Variants in KIAA1958 observed in about 807,000 individuals in gnomAD.
The protein encoded by KIAA1958 is KIAA1958.
KIAA1958 carries 14 observed loss-of-function variants against 47.2 expected under a neutral mutation model. That is an observed-to-expected ratio of 0.30 (90% CI 0.20 to 0.46). KIAA1958 has a LOEUF of 0.46. Among genes scored for constraint, KIAA1958 ranks in the 20% least tolerant of loss-of-function variants. The pLI is 1.00. For missense variants in KIAA1958, 803 were observed against 909.2 expected (o/e 0.88, Z 1.50); for synonymous variants, 354 against 353.3 (o/e 1.00, Z -0.02).
chr9:112,546,065 T>C (rs1277499779), intron 1 of KIAA1958, among the ~76,000 whole-genome samples: 1 of 151,814 alleles, frequency 6.6e-6, no homozygotes, highest in African/African-American at 2.4e-5. Context: ...GACCTAGAAA[T>C]GAGATAGGAG....
At chr9:112,513,012 T>A (rs1308502477) in intron 1 of KIAA1958, among the ~76,000 whole-genome samples, 2 of 137,418 alleles carry the variant, frequency 1.5e-5, no homozygotes, top group African/African-American at 2.8e-5. Context: ...TAATTTTTTT[T>A]TTTTTTTTTT....
At chr9:112,610,344 A>G (rs981399557) in intron 2 of KIAA1958, among the ~76,000 whole-genome samples, 7 of 152,052 alleles carry the variant, frequency 4.6e-5, no homozygotes, top group African/African-American at 1.7e-4. Flanking sequence ...AAGGAAAGAT[A>G]GTTAACAAAA....
chr9:112,640,233 AT>A (rs1836870519), intron 2 of KIAA1958, among the ~76,000 whole-genome samples: 1 of 152,194 alleles, frequency 6.6e-6, no homozygotes, highest in African/African-American at 2.4e-5. Flanking sequence ...GTCTAGACTG[AT>A]CTATTTCCAG....
intron 2 of KIAA1958, among the ~76,000 whole-genome samples, chr9:112,577,308 C>A (rs1588025694): frequency 6.6e-6 from 1 of 152,066 alleles, no homozygotes; most frequent in East Asian, 1.9e-4. Flanking sequence ...TTCTTTCTTT[C>A]TTTTAAAAAA....
rs1315402129 is a variant in KIAA1958 at position 112,664,281 on chromosome 9, T to G, written c.*4212T>G. 1 of 152,372 alleles carries G rather than the reference T, an allele frequency of 6.6e-6. No homozygotes were observed. The highest frequency in any genetic ancestry group is 2.4e-5 in the African/African-American group (1 of 41,590). 9.4% of individuals were successfully genotyped at this position (152,372 alleles called of 1,614,324 possible). On this transcript the variant is annotated 3_prime_UTR_variant, in exon 4 of 4. Transcript: ENST00000337530. The stretch of plus-strand genomic sequence containing the variant: ...TTTGCTATCTCGAAGCAGCAGAATA[T>G]TGATCATTTTTCTCAGTTTAGGCTA...
Position 112,665,623 on chromosome 9 carries a change from C to T in KIAA1958, c.*5554C>T, listed in dbSNP as rs1162875957. 1.3e-5 allele frequency: 2 copies of T among 152,176 alleles called. No individual in the cohort carries two copies. Among genetic ancestry groups the T allele is most frequent in the Non-Finnish European group, 2.9e-5 (2 of 68,020 alleles). The allele number at this position is 152,176 out of a possible 1,614,324, so 9.4% of individuals were successfully genotyped here. A position where few individuals can be genotyped will look rare whatever the true frequency, so the allele number is the denominator to read the frequency against. ...TTGGCAAATATTTCATCTCTCAAGCCATACTGTGTCACCCCTCCATGTATT... is the reference window on the plus strand; with the variant it reads ...TTGGCAAATATTTCATCTCTCAAGCTATACTGTGTCACCCCTCCATGTATT... On this transcript the variant is annotated 3_prime_UTR_variant, in exon 4 of 4. Coordinates refer to ENST00000337530, the MANE Select transcript of KIAA1958 (RefSeq NM_133465.4).
At chr9:112,575,694 G>A (rs1295911418) in intron 2 of KIAA1958, among the ~76,000 whole-genome samples, 1 of 152,128 alleles carries the variant, frequency 6.6e-6, no homozygotes, top group African/African-American at 2.4e-5. Context: ...GAGCCAACTT[G>A]ACGTTGCTAT....
At chr9:112,551,480 G>A (rs58241214) in intron 1 of KIAA1958, among the ~76,000 whole-genome samples, 16,719 of 152,102 alleles carry the variant, frequency 0.11, 1,381 homozygotes, top group East Asian at 0.19. Context: ...TATAGCACAG[G>A]CTTTAATTTG....
At chr9:112,498,507 C>A (rs775121217) in intron 1 of KIAA1958, among the ~76,000 whole-genome samples, 1 of 152,130 alleles carries the variant, frequency 6.6e-6, no homozygotes, top group African/African-American at 2.4e-5. Flanking sequence ...ATAAAATTCA[C>A]GGCTTTACCA....
At chr9:112,648,618 G>A (rs1837013892) in intron 3 of KIAA1958, among the ~76,000 whole-genome samples, 1 of 152,152 alleles carries the variant, frequency 6.6e-6, no homozygotes, top group Non-Finnish European at 1.5e-5. Context: ...CTTGCATCAG[G>A]TATGGGGAAT....
chr9:112,530,987 T>C (rs1213107906), intron 1 of KIAA1958, among the ~76,000 whole-genome samples: 2 of 152,240 alleles, frequency 1.3e-5, no homozygotes, highest in African/African-American at 4.8e-5. Flanking sequence ...CAGCTTATTC[T>C]GAGTTACAGC....
rs1436742470 is a variant in KIAA1958 at position 112,618,761 on chromosome 9, C to A, written c.1172-26889C>A. 1 of 1,550,642 alleles carries A rather than the reference C, an allele frequency of 6.4e-7. No individual in the cohort carries two copies. The highest frequency in any genetic ancestry group is 2.0e-5 in the Admixed American group (1 of 51,004). ...CAGGAAAACCAACTTCAGTGTGTAT[C>A]AGAGCTGCAGCACCTTGTCTGAGGC... On this transcript the variant is annotated intron_variant, in intron 2 of 3. Transcript: ENST00000337530. This position sits in a 1 kb window ranked among gnomAD's most constrained non-coding sequence, Gnocchi z 7.1.
At position 112,575,199 on chromosome 9, in the gene KIAA1958, G is replaced by A. The variant is rs766213719; in HGVS notation, c.1119G>A (p.Gln373=). The change falls in exon 2 of 4, where the codon CAG becomes CAA. Residue 373 remains glutamine, a synonymous_variant. Coordinates refer to ENST00000337530, the MANE Select transcript of KIAA1958 (RefSeq NM_133465.4). ...TEPEVSSSQQ[Q]PPVAPAITTE... ...CAGAAGTGAGCTCCAGTCAGCAGCA[G>A]CCCCCAGTCGCTCCAGCCATAACCA... 1.9e-6 allele frequency: 3 copies of A among 1,577,916 alleles called. No individual in the cohort carries two copies. The highest frequency in any genetic ancestry group is 1.7e-6 in the Non-Finnish European group (2 of 1,169,428).
At chr9:112,614,638 C>T (rs1171331996) in intron 2 of KIAA1958, among the ~76,000 whole-genome samples, 2 of 152,202 alleles carry the variant, frequency 1.3e-5, no homozygotes, top group African/African-American at 4.8e-5. Flanking sequence ...TCAACCTCTT[C>T]ATGTAGCTCA....
chr9:112,591,717 T>A (rs1490245936), intron 2 of KIAA1958, among the ~76,000 whole-genome samples: 1 of 151,956 alleles, frequency 6.6e-6, no homozygotes, highest in African/African-American at 2.4e-5. Context: ...ACACAGAACT[T>A]GTCTCCACAA....
At chr9:112,507,599 T>C (rs2132774063) in intron 1 of KIAA1958, among the ~76,000 whole-genome samples, 1 of 152,318 alleles carries the variant, frequency 6.6e-6, no homozygotes, top group Middle Eastern at 3.4e-3. Flanking sequence ...TCCTCTTGAC[T>C]TGGACTCCCA....
chr9:112,516,715 T>C (rs2132789279), intron 1 of KIAA1958, among the ~76,000 whole-genome samples: 1 of 152,352 alleles, frequency 6.6e-6, no homozygotes, highest in Middle Eastern at 3.4e-3. Flanking sequence ...AAAGTCACAG[T>C]AATCAAGACA....
intron 1 of KIAA1958, among the ~76,000 whole-genome samples, chr9:112,523,072 A>G (rs1176207661): frequency 6.6e-6 from 1 of 152,202 alleles, no homozygotes; most frequent in African/African-American, 2.4e-5. Flanking sequence ...GCTAGATACC[A>G]TCATAGCACT....
intron 1 of KIAA1958, among the ~76,000 whole-genome samples, chr9:112,554,916 T>C (rs1283972747): frequency 2.0e-5 from 3 of 151,810 alleles, no homozygotes; most frequent in African/African-American, 7.3e-5. Context: ...CCAAATGAAA[T>C]GACAACTAAG....
Sources: gnomAD v4.1 joint callset for allele counts (sites outside exome capture counted in the v4.1 genomes callset) on GRCh38, gnomAD v4.1.1 for gene constraint, Gnocchi (gnomAD v3.1) non-coding constraint, MANE v1.5 for transcripts, NCBI Gene and HGNC (gene_info 2026-07-23, HGNC 2026-07-21) for gene names.